The following DNAH2 variants were observed in gnomAD, a reference collection of about 807,000 sequenced individuals.
DNAH2 encodes axonemal beta dynein heavy chain 2.
DNAH2 carries 323 observed loss-of-function variants against 523.5 expected under a neutral mutation model. The ratio of observed to expected loss-of-function variants is 0.62; its 90% CI spans 0.56 to 0.68. The LOEUF (loss-of-function observed/expected upper bound fraction) is 0.68. Among genes scored for constraint, DNAH2 ranks in the 30% least tolerant of loss-of-function variants. The pLI, the probability that DNAH2 is intolerant of heterozygous loss-of-function variation, is 0.00. For synonymous variants in DNAH2, 2,093 were observed against 2,177.4 expected, an observed-to-expected ratio of 0.96 and a Z score of 1.08; for missense variants, 4,907 against 5,701.5, an observed-to-expected ratio of 0.86 and a Z score of 4.49.
At position 7,833,623 on chromosome 17, in the gene DNAH2, C is replaced by G; in HGVS notation, c.*90C>G. 6.4e-7 allele frequency: 1 copy of G among 1,572,916 alleles called. No homozygotes were observed. Among genetic ancestry groups the G allele is most frequent in the Non-Finnish European group, 8.6e-7 (1 of 1,160,192 alleles). On this transcript the variant is annotated 3_prime_UTR_variant, in exon 86 of 86. Coordinates refer to ENST00000572933, the MANE Select transcript of DNAH2 (RefSeq NM_020877.5). ...CACCTAGGACTGAGGCCGGACCTCA[C>G]TCAGACTTTGACCTTGGCCGAATTT...
In DNAH2 at chr17:7,766,169, T is replaced by C; in HGVS notation, c.3512-149T>C. The C allele has an allele frequency of 5.2e-6, 4 of 765,498 alleles. No homozygotes were observed. The South Asian group carries it at 8.2e-5, about 16-fold the overall frequency. The allele number at this position is 765,498 out of a possible 1,614,324, so 47.4% of individuals were successfully genotyped here. A position where few individuals can be genotyped will look rare whatever the true frequency, so the allele number is the denominator to read the frequency against. On this transcript the variant is annotated intron_variant, in intron 21 of 85. Coordinates refer to ENST00000572933, the MANE Select transcript of DNAH2 (RefSeq NM_020877.5). ...GAGTTTTTGCTAAGATTAACCGTTATTCTTTCAACGCGTTCCCTCTTACTC... is the reference window on the plus strand; with the variant it reads ...GAGTTTTTGCTAAGATTAACCGTTACTCTTTCAACGCGTTCCCTCTTACTC...
intron 12 of DNAH2, among the ~76,000 whole-genome samples, chr17:7,745,455 A>C (rs2151165980): frequency 6.6e-6 from 1 of 152,270 alleles, no homozygotes; most frequent in South Asian, 2.1e-4. Context: ...CTCTCATGAC[A>C]CAATTTTACC....
At chr17:7,805,117 C>T (rs1366208009) in intron 60 of DNAH2, 43 bp downstream of exon 60, 5 of 1,601,142 alleles carry the variant, frequency 3.1e-6, no homozygotes, top group Middle Eastern at 1.7e-4. Context: ...GAACGCGAGG[C>T]CCCGGGGAAG....
chr17:7,810,054 CTTTCTTTTT>C (rs1282502593), intron 63 of DNAH2, among the ~76,000 whole-genome samples: 4 of 146,476 alleles, frequency 2.7e-5, no homozygotes, highest in Admixed American at 1.4e-4. Context: ...TCTTTCTTTT[CTTTCTTTTT>C]TTTCTTTTTT....
chr17:7,801,889 G>A lies in DNAH2; in HGVS notation c.8844G>A (p.Lys2948=). ...DLGTQENIHR[K]VAQIFVTMHW... is the part of the protein sequence containing the mutation. Reference sequence around the variant, plus strand: ...GTCACTGGCCTCAGATCCACAGGAAGGTGGCCCAGATCTTTGTCACTATGC... The same window carrying A: ...GTCACTGGCCTCAGATCCACAGGAAAGTGGCCCAGATCTTTGTCACTATGC... The change falls in exon 58 of 86, where the codon AAG becomes AAA. Residue 2948 remains lysine (K), a synonymous_variant. Coordinates refer to ENST00000572933, the MANE Select transcript of DNAH2 (RefSeq NM_020877.5). 6.2e-7 allele frequency: 1 copy of A among 1,614,210 alleles called. No homozygotes were observed. The highest frequency in any genetic ancestry group is 2.2e-5 in the East Asian group (1 of 44,888).
chr17:7,726,652 T>G (rs562962460), intron 3 of DNAH2, among the ~76,000 whole-genome samples: 1 of 152,184 alleles, frequency 6.6e-6, no homozygotes, highest in African/African-American at 2.4e-5. Flanking sequence ...TCCTTAATGT[T>G]GTACCAATTG....
At position 7,724,767 on chromosome 17, in the gene DNAH2, A is replaced by G. The variant is rs1157519265; in HGVS notation, c.228+1078A>G. On this transcript the variant is annotated intron_variant, in intron 3 of 85. Coordinates refer to ENST00000572933, the MANE Select transcript of DNAH2 (RefSeq NM_020877.5). Reference sequence around the variant, plus strand: ...CTTTTTTTTTTTTTTTCTGAGATGGAGTCTTGCTTCCGTCGAGCAGGCTGG... The same window carrying G: ...CTTTTTTTTTTTTTTTCTGAGATGGGGTCTTGCTTCCGTCGAGCAGGCTGG... Among the ~76,000 whole-genome samples the G allele has an allele frequency of 1.3e-4, 13 of 99,974 alleles. No homozygotes were observed. In the East Asian group the frequency reaches 3.7e-3, roughly 29 times the overall value. 65.6% of individuals were successfully genotyped at this position (99,974 alleles called of 152,430 possible).
rs1335817808 is a variant in DNAH2 at position 7,817,996 on chromosome 17, A to G, written c.10287A>G (p.Glu3429=). Residue 3429 remains glutamate (E), a synonymous_variant, in exon 68 of 86, where the codon GAA becomes GAG. Coordinates refer to ENST00000572933, the MANE Select transcript of DNAH2 (RefSeq NM_020877.5). ...TGAGCGATTACCTGCGAATCCTAGA[A>G]CACGCCATTCACTTTGGATACCCGG... ...LQMSDYLRIL[E]HAIHFGYPVL... 6 of 1,614,130 alleles carry G rather than the reference A, an allele frequency of 3.7e-6. No homozygotes were observed. The Middle Eastern group carries it at 4.9e-4, about 133-fold the overall frequency.
At chr17:7,742,083 G>T (rs2075370906) in intron 11 of DNAH2, among the ~76,000 whole-genome samples, 1 of 152,128 alleles carries the variant, frequency 6.6e-6, no homozygotes, top group South Asian at 2.1e-4. Context: ...CCCTTACAGA[G>T]CCTGGTCTCT....
In DNAH2 at chr17:7,776,879, A is replaced by G. The variant is rs1220662894; in HGVS notation, c.5048A>G (p.Lys1683Arg). The G allele has an allele frequency of 3.0e-5, 48 of 1,609,956 alleles. No homozygotes were observed. The highest frequency in any genetic ancestry group is 4.0e-5 in the Non-Finnish European group (47 of 1,177,284). Residue 1683 changes from lysine to arginine, a missense_variant, in exon 32 of 86, where the codon AAG becomes AGG. Physicochemically the swap from Lys to Arg is conservative, Grantham distance 26. This residue lies in a region of DNAH2 where 2,806 missense variants were observed against 3,190.8 expected (regional missense o/e 0.88). Transcript: ENST00000572933. Reference sequence around the variant, plus strand: ...GACAAGAAAATCCTCAAGGTCATGAAGAAGAACCAGGTGAGAGGCTGGGCG... The same window carrying G: ...GACAAGAAAATCCTCAAGGTCATGAGGAAGAACCAGGTGAGAGGCTGGGCG... ...RADKKILKVMKKNQVSILNKY... is the reference protein window; with the variant it reads ...RADKKILKVMRKNQVSILNKY...
intron 77 of DNAH2, among the ~76,000 whole-genome samples, chr17:7,829,027 A>ATTTT (rs769072518): frequency 7.1e-6 from 1 of 141,758 alleles, no homozygotes; most frequent in African/African-American, 2.6e-5. Context: ...CATTATTATT[A>ATTTT]TTATTTTTTT....
At position 7,832,780 on chromosome 17, in the gene DNAH2, G is replaced by A. The variant is rs1166023571; in HGVS notation, c.12903+25G>A. The A allele has an allele frequency of 3.1e-6, 5 of 1,614,002 alleles. No individual in the cohort carries two copies. In the African/African-American group the frequency reaches 6.7e-5, roughly 22 times the overall value. ...CGTGAGCAATGTGCAAAGTGTGAGG[G>A]GGGGATGTATGCTGGGGCCATGTAT... On this transcript the variant is annotated intron_variant, in intron 83 of 85. Coordinates refer to ENST00000572933, the MANE Select transcript of DNAH2 (RefSeq NM_020877.5). This position sits in a 1 kb window ranked among gnomAD's most constrained non-coding sequence, Gnocchi z 4.3.
rs764402906 is a variant in DNAH2 at position 7,818,020 on chromosome 17, G to A, written c.10311G>A (p.Pro3437=). The change falls in exon 68 of 86, where the codon CCG becomes CCA. Residue 3437 remains proline, a synonymous_variant. Coordinates refer to ENST00000572933, the MANE Select transcript of DNAH2 (RefSeq NM_020877.5). ...AACACGCCATTCACTTTGGATACCC[G>A]GTGCTACTTCAGAACGTGCAGGAAT... ...ILEHAIHFGY[P]VLLQNVQEYL... 3.2e-5 allele frequency: 51 copies of A among 1,613,936 alleles called. 1 individual carries two copies. Among genetic ancestry groups the A allele is most frequent in the Admixed American group, 2.2e-4 (13 of 59,990 alleles).
Position 7,833,463 on chromosome 17 carries a change from G to T in DNAH2, c.13214G>T (p.Arg4405Leu), listed in dbSNP as rs1285454399. The stretch of plus-strand genomic sequence containing the variant: ...TCCTTTGTCATCGGCATTGACCTGC[G>T]GTCTGGGGCCATGACACCTGATCAT... ...RASFVIGIDL[R>L]SGAMTPDHWI... Residue 4405 changes from arginine (R) to leucine (L), a missense_variant, in exon 86 of 86, where the codon CGG (arginine) becomes CTG (leucine). Physicochemically the swap from Arg to Leu is moderately radical, Grantham distance 102. This residue lies in a region of DNAH2 where 1,851 missense variants were observed against 2,139.4 expected (regional missense o/e 0.87). Transcript: ENST00000572933. 3 of 1,614,018 alleles carry T rather than the reference G, an allele frequency of 1.9e-6. No individual in the cohort carries two copies. Among genetic ancestry groups the T allele is most frequent in the Non-Finnish European group, 2.5e-6 (3 of 1,180,048 alleles).
At chr17:7,810,981 G>C (rs1171691806) in intron 63 of DNAH2, among the ~76,000 whole-genome samples, 1 of 152,212 alleles carries the variant, frequency 6.6e-6, no homozygotes, top group Non-Finnish European at 1.5e-5. Context: ...CAGTGGCGTA[G>C]ATAGGGCCCC....
At chr17:7,787,122 G>A in intron 42 of DNAH2, 89 bp downstream of exon 42, 1 of 1,518,242 alleles carries the variant, frequency 6.6e-7, no homozygotes. Context: ...AGAAATCTCA[G>A]AGCAGGGCAG....
intron 68 of DNAH2, 104 bp downstream of exon 68, chr17:7,818,200 T>C: frequency 6.3e-7 from 1 of 1,596,114 alleles, no homozygotes; most frequent in South Asian, 1.1e-5. Context: ...CAGACAGCCC[T>C]GGCCTGGGGC....
Position 7,817,929 on chromosome 17 carries a change from T to C in DNAH2, c.10237-17T>C. 6.2e-7 allele frequency: 1 copy of C among 1,613,860 alleles called. No individual in the cohort carries two copies. The highest frequency in any genetic ancestry group is 8.5e-7 in the Non-Finnish European group (1 of 1,179,952). On this transcript the variant is annotated splice_polypyrimidine_tract_variant and intron_variant, in intron 67 of 85. Coordinates refer to ENST00000572933, the MANE Select transcript of DNAH2 (RefSeq NM_020877.5). ...CCTCTCCCGTAGTGTTCCTTCACCT[T>C]CCCCCTTGCTCTCTAGGGCCTGAAG...
intron 34 of DNAH2, 30 bp downstream of exon 34, chr17:7,778,210 G>T (rs371045405): frequency 6.2e-7 from 1 of 1,614,104 alleles, no homozygotes; most frequent in East Asian, 2.2e-5. Flanking sequence ...TGAGGTGGCT[G>T]GGGTGGGGGG....
Sources: allele counts gnomAD v4.1 joint callset (sites outside exome capture counted in the v4.1 genomes callset), GRCh38; gene constraint gnomAD v4.1.1; regional missense constraint gnomAD v4.1.1; non-coding constraint Gnocchi (gnomAD v3.1); transcripts MANE v1.5; gene names NCBI Gene and HGNC (gene_info 2026-07-23, HGNC 2026-07-21).